The following TOX2 variants were observed in gnomAD, a reference collection of about 807,000 sequenced individuals.
The protein encoded by TOX2 is TOX high mobility group box family member 2, also known as granulosa cell HMG box 1.
Under a neutral mutation model 47.4 loss-of-function variants are expected in TOX2, and 15 were observed. That is an observed-to-expected ratio of 0.32 (90% CI 0.21 to 0.49). TOX2 has a LOEUF of 0.49. TOX2 is among the 20% of genes least tolerant of loss of function. TOX2 has a pLI of 0.99. For missense variants in TOX2, 622 were observed against 673.1 expected (o/e 0.92, Z 0.84); for synonymous variants, 290 against 296.6 (o/e 0.98, Z 0.23).
At chr20:43,946,642 TA>T (rs765316828) in intron 1 of TOX2, among the ~76,000 whole-genome samples, 2 of 152,336 alleles carry the variant, frequency 1.3e-5, no homozygotes, top group South Asian at 4.1e-4. Context: ...TTGGGATCTC[TA>T]CGCAGCATAC....
intron 1 of TOX2, among the ~76,000 whole-genome samples, chr20:43,939,638 G>A (rs1010115886): frequency 1.3e-5 from 2 of 152,202 alleles, no homozygotes; most frequent in African/African-American, 4.8e-5. Flanking sequence ...GGTTCATTTG[G>A]TGAGACCATT....
intron 3 of TOX2, among the ~76,000 whole-genome samples, chr20:44,026,783 T>C (rs969546264): frequency 6.6e-6 from 1 of 152,160 alleles, no homozygotes; most frequent in African/African-American, 2.4e-5. Context: ...TCAGGTCCAC[T>C]GTGTGACCTC....
At chr20:44,016,381 C>T (rs2070878428) in intron 3 of TOX2, among the ~76,000 whole-genome samples, 1 of 152,166 alleles carries the variant, frequency 6.6e-6, no homozygotes, top group Non-Finnish European at 1.5e-5. Context: ...GCCTCAGCCT[C>T]CCAAAGTGCC....
At chr20:44,029,441 G>T (rs971563605) in intron 3 of TOX2, among the ~76,000 whole-genome samples, 1 of 152,132 alleles carries the variant, frequency 6.6e-6, no homozygotes, top group African/African-American at 2.4e-5. Context: ...ACCTGGGTTT[G>T]GATCCTGATC....
chr20:44,000,099 T>A (rs2070549544), intron 2 of TOX2, among the ~76,000 whole-genome samples: 1 of 152,096 alleles, frequency 6.6e-6, no homozygotes, highest in Non-Finnish European at 1.5e-5. Context: ...GATGATGACG[T>A]CAGAGAGGTA....
At chr20:43,967,829 C>T (rs1003508655) in intron 1 of TOX2, among the ~76,000 whole-genome samples, 4 of 152,094 alleles carry the variant, frequency 2.6e-5, no homozygotes, top group Non-Finnish European at 2.9e-5. Flanking sequence ...GTGGCTACTA[C>T]ATTTAAAAAT....
At position 43,968,568 on chromosome 20, in the gene TOX2, G is replaced by A. The variant is rs528959458; in HGVS notation, c.100-4799G>A. ...TGCCTTAGAAGCCCCTGTAAGCTGTGTCCCCGGTGGCCGTCATGAAAGGGT... is the reference window on the plus strand; with the variant it reads ...TGCCTTAGAAGCCCCTGTAAGCTGTATCCCCGGTGGCCGTCATGAAAGGGT... On this transcript the variant is annotated intron_variant, in intron 1 of 8. Coordinates refer to ENST00000341197, the MANE Select transcript of TOX2 (RefSeq NM_001098797.2). Among the ~76,000 whole-genome samples the A allele has an allele frequency of 7.2e-5, 11 of 152,266 alleles. No homozygotes were observed. The East Asian group carries it at 2.1e-3, about 29-fold the overall frequency.
chr20:43,922,375 G>T (rs966255373), intron 1 of TOX2, among the ~76,000 whole-genome samples: 2 of 152,134 alleles, frequency 1.3e-5, no homozygotes, highest in African/African-American at 4.8e-5. Context: ...CTTTGCCCCT[G>T]GTTGAGAACC....
At chr20:43,947,674 T>A (rs1279147259) in intron 1 of TOX2, among the ~76,000 whole-genome samples, 2 of 152,212 alleles carry the variant, frequency 1.3e-5, no homozygotes, top group Admixed American at 6.5e-5. Context: ...GAGGAGTTCA[T>A]GGCAAGGACT....
At position 44,068,793 on chromosome 20, in the gene TOX2, G is replaced by A. The variant is rs2071882820; in HGVS notation, c.*107G>A. The A allele has an allele frequency of 1.4e-6, 2 of 1,461,056 alleles. No individual in the cohort carries two copies. The highest frequency in any genetic ancestry group is 9.4e-7 in the Non-Finnish European group (1 of 1,058,770). The allele number at this position is 1,461,056 out of a possible 1,614,324, so 90.5% of individuals were successfully genotyped here. A position where few individuals can be genotyped will look rare whatever the true frequency, so the allele number is the denominator to read the frequency against. ...GCCAGAGGCAGGGTGGCCCATCGGA[G>A]AGAGCAGTGACACACCCATTGCCCG... On this transcript the variant is annotated 3_prime_UTR_variant, in exon 9 of 9. Coordinates refer to ENST00000341197, the MANE Select transcript of TOX2 (RefSeq NM_001098797.2).
intron 3 of TOX2, among the ~76,000 whole-genome samples, chr20:44,048,302 G>A (rs903097211): frequency 2.0e-5 from 3 of 150,334 alleles, no homozygotes; most frequent in Admixed American, 1.3e-4. Flanking sequence ...AATTTTGAAT[G>A]GGAACTGATG....
chr20:43,939,341 TA>T (rs2069371729), intron 1 of TOX2, among the ~76,000 whole-genome samples: 1 of 152,202 alleles, frequency 6.6e-6, no homozygotes, highest in South Asian at 2.1e-4. Context: ...GATTTCATCA[TA>T]TTGGGACTGG....
intron 3 of TOX2, among the ~76,000 whole-genome samples, chr20:44,012,835 A>G (rs1202008205): frequency 2.0e-5 from 3 of 152,250 alleles, no homozygotes; most frequent in Admixed American, 6.5e-5. Flanking sequence ...TATCAAATGC[A>G]GTACTTAGTG....
chr20:43,993,019 G>C (rs1328158123), intron 2 of TOX2, among the ~76,000 whole-genome samples: 1 of 152,034 alleles, frequency 6.6e-6, no homozygotes, highest in Non-Finnish European at 1.5e-5. Flanking sequence ...CCAGTGGCTC[G>C]AGATGGGAAC....
chr20:43,962,373 T>G (rs868407957), intron 1 of TOX2, among the ~76,000 whole-genome samples: 7 of 152,324 alleles, frequency 4.6e-5, no homozygotes, highest in African/African-American at 1.7e-4. Flanking sequence ...TGCCTGCAGC[T>G]TATGAGATCT....
chr20:44,056,352 C>T (rs1033152792), intron 5 of TOX2, among the ~76,000 whole-genome samples: 4 of 152,228 alleles, frequency 2.6e-5, no homozygotes, highest in Non-Finnish European at 4.4e-5. Flanking sequence ...GCTATAGGGA[C>T]GTCTGTCATT....
At chr20:44,056,706 T>C (rs1034441061) in intron 5 of TOX2, among the ~76,000 whole-genome samples, 2 of 152,252 alleles carry the variant, frequency 1.3e-5, no homozygotes, top group African/African-American at 4.8e-5. Context: ...TAATGCGTTA[T>C]AAATGGCTTG....
intron 2 of TOX2, among the ~76,000 whole-genome samples, chr20:44,001,337 A>T (rs1054724022): frequency 6.6e-6 from 1 of 152,204 alleles, no homozygotes; most frequent in African/African-American, 2.4e-5. Context: ...TACAGAACAC[A>T]TATGAACTAA....
chr20:44,068,646 A>T lies in TOX2; in HGVS notation c.1485-4A>T, dbSNP rs139560993. ...GCTTTGACAGCCCCTCCTCTCTCTC[A>T]CAGCCTGCTCCCCAGGGACAAATCG... On this transcript the variant is annotated splice_polypyrimidine_tract_variant and splice_region_variant and intron_variant, in intron 8 of 8. Coordinates refer to ENST00000341197, the MANE Select transcript of TOX2 (RefSeq NM_001098797.2). 38 of 1,611,736 alleles carry T rather than the reference A, an allele frequency of 2.4e-5. No homozygotes were observed. The Middle Eastern group carries it at 5.0e-4, about 21-fold the overall frequency.
Sources: allele counts gnomAD v4.1 joint callset (sites outside exome capture counted in the v4.1 genomes callset), GRCh38; gene constraint gnomAD v4.1.1; transcripts MANE v1.5; gene names NCBI Gene and HGNC (gene_info 2026-07-23, HGNC 2026-07-21).